The following SEMA6D variants were observed in gnomAD, a reference collection of about 807,000 sequenced individuals.
The protein encoded by SEMA6D is semaphorin-6D.
A neutral mutation model predicts 106.6 loss-of-function variants in SEMA6D; 35 were observed. The ratio of observed to expected loss-of-function variants is 0.33; its 90% CI spans 0.25 to 0.44. SEMA6D has a LOEUF of 0.44. Among genes scored for constraint, SEMA6D ranks in the 20% least tolerant of loss-of-function variants. SEMA6D has a pLI of 1.00. For synonymous variants in SEMA6D, 499 were observed against 487.7 expected (o/e 1.02, Z -0.31); for missense variants, 1,185 against 1,345.9 (o/e 0.88, Z 1.87).
chr15:47,662,856 C>T (rs576385032), intron 4 of SEMA6D, among the ~76,000 whole-genome samples: 6 of 95,746 alleles, frequency 6.3e-5, no homozygotes, highest in Admixed American at 3.4e-4. Flanking sequence ...CGTGTATGAG[C>T]GCACACACAC....
intron 1 of SEMA6D, among the ~76,000 whole-genome samples, chr15:47,732,210 A>T (rs966296767): frequency 6.6e-6 from 1 of 152,206 alleles, no homozygotes; most frequent in East Asian, 1.9e-4. Context: ...AACAATTAGG[A>T]TCGTATTAAG....
intron 1 of SEMA6D, among the ~76,000 whole-genome samples, chr15:47,245,143 A>G (rs1191217840): frequency 3.3e-5 from 5 of 151,876 alleles, no homozygotes; most frequent in Admixed American, 3.3e-4. Flanking sequence ...GTGAATGTGT[A>G]TAGTACTGCA....
At chr15:47,601,109 AGAGAGAG>A (rs2076647445) in intron 4 of SEMA6D, among the ~76,000 whole-genome samples, 2 of 152,036 alleles carry the variant, frequency 1.3e-5, no homozygotes, top group Non-Finnish European at 2.9e-5. Flanking sequence ...AGAGAGAGAG[AGAGAGAG>A]AAAGAGAGAG....
In SEMA6D at chr15:47,773,385, G is replaced by A. The variant is rs930982709; in HGVS notation, c.*1600G>A. 1.3e-5 allele frequency: 2 copies of A among 152,612 alleles called. No homozygotes were observed. The highest frequency in any genetic ancestry group is 2.9e-5 in the Non-Finnish European group (2 of 68,042). The allele number at this position is 152,612 out of a possible 1,614,324, so 9.5% of individuals were successfully genotyped here. On this transcript the variant is annotated 3_prime_UTR_variant, in exon 19 of 19. Coordinates refer to ENST00000536845, the MANE Select transcript of SEMA6D (RefSeq NM_001358351.3). ...AGAAACTATAGAGCGTCATTTATAC[G>A]TAGTTTGGCAGAAACCACTTACGGC...
At chr15:47,663,651 C>T (rs11638169) in intron 4 of SEMA6D, among the ~76,000 whole-genome samples, 41,197 of 151,842 alleles carry the variant, frequency 0.27, 5,690 homozygotes, top group South Asian at 0.3. Context: ...ATTCTGGAAA[C>T]GACACCCCTC....
At chr15:47,571,835 T>TATGTGTG (rs2046392190) in intron 3 of SEMA6D, among the ~76,000 whole-genome samples, 1 of 152,214 alleles carries the variant, frequency 6.6e-6, no homozygotes, top group Non-Finnish European at 1.5e-5. Context: ...TGTGTCTGTG[T>TATGTGTG]ATGTGTGATG....
chr15:47,458,506 A>AT (rs1433076959), intron 2 of SEMA6D, among the ~76,000 whole-genome samples: 2 of 152,046 alleles, frequency 1.3e-5, no homozygotes, highest in Non-Finnish European at 2.9e-5. Flanking sequence ...AATATGCAAA[A>AT]TATATTCCCT....
intron 4 of SEMA6D, among the ~76,000 whole-genome samples, chr15:47,681,509 T>A (rs1204342522): frequency 6.6e-6 from 1 of 152,142 alleles, no homozygotes; most frequent in East Asian, 1.9e-4. Flanking sequence ...GATGAAAAAT[T>A]TCTAGAGCTG....
At chr15:47,404,980 C>T (rs1319857136) in intron 1 of SEMA6D, among the ~76,000 whole-genome samples, 1 of 152,058 alleles carries the variant, frequency 6.6e-6, no homozygotes, top group Non-Finnish European at 1.5e-5. Context: ...AAAGTCTTCA[C>T]CTCACCGCCG....
chr15:47,733,227 A>G (rs891801918), intron 1 of SEMA6D, among the ~76,000 whole-genome samples: 1 of 152,144 alleles, frequency 6.6e-6, no homozygotes, highest in Non-Finnish European at 1.5e-5. Flanking sequence ...ATACACTGCA[A>G]ACTACCTAAG....
chr15:47,611,468 G>A (rs1334211306), intron 4 of SEMA6D, among the ~76,000 whole-genome samples: 2 of 152,056 alleles, frequency 1.3e-5, no homozygotes, highest in African/African-American at 4.8e-5. Context: ...CCAGATTATA[G>A]CACTTTGTAT....
At chr15:47,657,719 CT>C (rs71118191) in intron 4 of SEMA6D, among the ~76,000 whole-genome samples, 18 of 54,670 alleles carry the variant, frequency 3.3e-4, no homozygotes, top group South Asian at 8.4e-4. Flanking sequence ...GGCTTCATTT[CT>C]TTTTTTTTTT....
Position 47,253,604 on chromosome 15 carries a change from A to G in SEMA6D, c.-239+69186A>G, listed in dbSNP as rs145983678. ...ATATCCAGTTTTCCCAGCACCATTT[A>G]TTGAAAAGACTGTCTTTTCCCCAAC... On this transcript the variant is annotated intron_variant, in intron 1 of 19. Coordinates refer to the SEMA6D transcript ENST00000558014. Among the ~76,000 whole-genome samples the G allele has an allele frequency of 5.5e-3, 840 of 152,268 alleles. 5 individuals carry two copies. Among genetic ancestry groups the G allele is most frequent in the African/African-American group, 0.019 (809 of 41,560 alleles).
chr15:47,487,559 T>C (rs553588244), intron 3 of SEMA6D, among the ~76,000 whole-genome samples: 1 of 152,356 alleles, frequency 6.6e-6, no homozygotes, highest in Admixed American at 6.5e-5. Context: ...GATTACACTA[T>C]ATGTATTGCT....
rs138923995 is a variant in SEMA6D, at chr15:47,507,699, T to C, written c.-87+37154T>C. On this transcript the variant is annotated intron_variant, in intron 3 of 19. Coordinates refer to the SEMA6D transcript ENST00000558014. ...TGTGCACCATATGTCATACTGTAGCTTGACAATTACCTCAACAGGCAGTGT... is the reference window on the plus strand; with the variant it reads ...TGTGCACCATATGTCATACTGTAGCCTGACAATTACCTCAACAGGCAGTGT... Among the ~76,000 whole-genome samples the C allele has an allele frequency of 4.0e-3, 602 of 152,350 alleles. 2 individuals carry two copies. Among genetic ancestry groups the C allele is most frequent in the South Asian group, 0.024 (114 of 4,830 alleles).
At chr15:47,480,500 C>A (rs1369892883) in intron 3 of SEMA6D, among the ~76,000 whole-genome samples, 1 of 152,146 alleles carries the variant, frequency 6.6e-6, no homozygotes, top group African/African-American at 2.4e-5. Flanking sequence ...TAATACTCTT[C>A]ATGAGGCCTC....
At chr15:47,283,841 G>A (rs545515480) in intron 1 of SEMA6D, among the ~76,000 whole-genome samples, 38 of 152,310 alleles carry the variant, frequency 2.5e-4, no homozygotes, top group Non-Finnish European at 4.6e-4. Context: ...GACAGCAGGA[G>A]CTGCAGGCTG....
chr15:47,436,968 C>A, intron 2 of SEMA6D, among the ~76,000 whole-genome samples: 1 of 121,240 alleles, frequency 8.2e-6, no homozygotes, highest in African/African-American at 3.2e-5. Context: ...AGGAAGGAGG[C>A]AGGGAAAGGA....
intron 4 of SEMA6D, among the ~76,000 whole-genome samples, chr15:47,694,512 A>G (rs2078659008): frequency 6.6e-6 from 1 of 152,100 alleles, no homozygotes; most frequent in Admixed American, 6.5e-5. Flanking sequence ...CTCCAAAGGA[A>G]AAGTCTTTCT....
Sources: allele counts gnomAD v4.1 joint callset (sites outside exome capture counted in the v4.1 genomes callset), GRCh38; gene constraint gnomAD v4.1.1; transcripts MANE v1.5; gene names NCBI Gene and HGNC (gene_info 2026-07-23, HGNC 2026-07-21).